Variants in R3HDM1 observed in about 807,000 individuals in gnomAD.
The protein encoded by R3HDM1 is R3H domain containing 1.
R3HDM1 carries 46 observed loss-of-function variants against 141.1 expected under a neutral mutation model. The ratio of observed to expected loss-of-function variants is 0.33; its 90% CI spans 0.26 to 0.42. The LOEUF (loss-of-function observed/expected upper bound fraction) is 0.42. Ranked by LOEUF, R3HDM1 falls within the 10% of genes least tolerant of loss-of-function variation. The pLI, the probability that R3HDM1 is intolerant of heterozygous loss-of-function variation, is 1.00. For missense variants in R3HDM1, 1,184 were observed against 1,368.3 expected, an observed-to-expected ratio of 0.87 and a Z score of 2.12; for synonymous variants, 435 against 472.9, an observed-to-expected ratio of 0.92 and a Z score of 1.04.
intron 19 of R3HDM1, among the ~76,000 whole-genome samples, chr2:135,663,003 T>A (rs1298849756): frequency 1.3e-5 from 2 of 152,128 alleles, no homozygotes; most frequent in African/African-American, 4.8e-5. Flanking sequence ...CTTTGTTCTG[T>A]GTTTGTGTTA....
chr2:135,561,202 T>C, intron 1 of R3HDM1: 1 of 592,726 alleles, frequency 1.7e-6, no homozygotes, highest in Non-Finnish European at 2.1e-6. Flanking sequence ...CACTGTACAT[T>C]CTGTGAGATG....
chr2:135,716,367 T>C (rs2076152734), intron 24 of R3HDM1, among the ~76,000 whole-genome samples: 1 of 152,214 alleles, frequency 6.6e-6, no homozygotes, highest in South Asian at 2.1e-4. Context: ...AGGAAATGGC[T>C]ATGCCCTTGG....
In R3HDM1 at chr2:135,602,548, C is replaced by A; in HGVS notation, c.-201C>A. ...TGATCCAAGACAGTCCATTCCAGTC[C>A]GGGAATCTACAGTGGTGACAAGGAC... On this transcript the variant is annotated 5_prime_UTR_variant, in exon 2 of 27. Transcript: ENST00000683871. The A allele has an allele frequency of 6.8e-7, 1 of 1,470,212 alleles. No individual in the cohort carries two copies. The highest frequency in any genetic ancestry group is 9.0e-7 in the Non-Finnish European group (1 of 1,111,924). 91.1% of individuals were successfully genotyped at this position (1,470,212 alleles called of 1,614,324 possible).
chr2:135,616,896 A>G (rs1303983844), intron 5 of R3HDM1, 139 bp downstream of exon 5: 4 of 710,266 alleles, frequency 5.6e-6, no homozygotes, highest in Middle Eastern at 3.1e-4. Context: ...CCCAAGAGAT[A>G]TATGAAAAGT....
chr2:135,553,641 G>C (rs945642111), intron 1 of R3HDM1, among the ~76,000 whole-genome samples: 1 of 152,154 alleles, frequency 6.6e-6, no homozygotes, highest in Non-Finnish European at 1.5e-5. Flanking sequence ...GAAAGTGGCC[G>C]ATGTTAATAT....
At chr2:135,558,549 C>CA (rs1701199310) in intron 1 of R3HDM1, among the ~76,000 whole-genome samples, 1 of 152,146 alleles carries the variant, frequency 6.6e-6, no homozygotes, top group Non-Finnish European at 1.5e-5. Context: ...CTGGCACTCA[C>CA]CTAGCATTTA....
chr2:135,679,643 T>C (rs1373129747), intron 20 of R3HDM1, among the ~76,000 whole-genome samples: 2 of 152,258 alleles, frequency 1.3e-5, no homozygotes, highest in Admixed American at 6.5e-5. Context: ...CTTTTCATAA[T>C]TTAATGCATC....
intron 4 of R3HDM1, 98 bp from the exon 5 acceptor site, chr2:135,616,570 C>A: frequency 2.0e-6 from 2 of 996,612 alleles, no homozygotes; most frequent in Non-Finnish European, 1.5e-6. Flanking sequence ...TTATACATGG[C>A]AGAAACTATA....
chr2:135,671,724 G>A (rs574127025), intron 19 of R3HDM1, among the ~76,000 whole-genome samples: 3 of 151,708 alleles, frequency 2.0e-5, no homozygotes, highest in Non-Finnish European at 4.4e-5. Context: ...GCCTATAATC[G>A]CAGCACTTTA....
chr2:135,663,064 G>C (rs556706371), intron 19 of R3HDM1, among the ~76,000 whole-genome samples: 7 of 148,592 alleles, frequency 4.7e-5, no homozygotes, highest in African/African-American at 1.5e-4. Context: ...CCTGTCCATG[G>C]TCAAACTGCC....
At chr2:135,604,782 CTG>C (rs1384322899) in intron 2 of R3HDM1, 22 bp from the exon 3 acceptor site, 1 of 1,542,302 alleles carries the variant, frequency 6.5e-7, no homozygotes, top group Non-Finnish European at 8.9e-7. Context: ...AAGTTTCAAA[CTG>C]TATTAATTTT....
rs539489188 is a variant in R3HDM1, at chr2:135,614,772, G to C, written c.172-1380G>C. Among the ~76,000 whole-genome samples the C allele has an allele frequency of 5.3e-5, 8 of 152,010 alleles. No individual in the cohort carries two copies. The South Asian group carries it at 1.7e-3, about 32-fold the overall frequency. On this transcript the variant is annotated intron_variant, in intron 3 of 26. Coordinates refer to ENST00000683871, the MANE Select transcript of R3HDM1 (RefSeq NM_001378107.1). ...CTTCTGCTTCTTCAGAACTCATTTA[G>C]GTATGTGCATTTTCATAGTATTCAC...
intron 1 of R3HDM1, among the ~76,000 whole-genome samples, chr2:135,594,646 T>A (rs1710154332): frequency 6.6e-6 from 1 of 152,232 alleles, no homozygotes; most frequent in Non-Finnish European, 1.5e-5. Context: ...TTATTAGGTA[T>A]GAATTCCCTC....
chr2:135,702,612 T>C (rs1427928723), intron 21 of R3HDM1, among the ~76,000 whole-genome samples: 1 of 145,226 alleles, frequency 6.9e-6, no homozygotes, highest in Non-Finnish European at 1.5e-5. Flanking sequence ...GTCATGACAC[T>C]GCACTCCAGC....
intron 19 of R3HDM1, among the ~76,000 whole-genome samples, chr2:135,672,615 A>T (rs2068564234): frequency 6.6e-6 from 1 of 152,168 alleles, no homozygotes. Flanking sequence ...ATCTTTATCT[A>T]ACCCAGATGG....
At chr2:135,588,220 A>T (rs572712481) in intron 1 of R3HDM1, among the ~76,000 whole-genome samples, 1 of 149,910 alleles carries the variant, frequency 6.7e-6, no homozygotes, top group Admixed American at 6.7e-5. Flanking sequence ...TCTGTCCATC[A>T]TTCCCTCTTC....
At chr2:135,558,898 T>C (rs1459627801) in intron 1 of R3HDM1, 1 of 588,792 alleles carries the variant, frequency 1.7e-6, no homozygotes, top group Non-Finnish European at 2.1e-6. Context: ...CATCTTCCTT[T>C]TAGGATTCCT....
intron 20 of R3HDM1, 72 bp from the exon 21 acceptor site, chr2:135,680,101 G>A: frequency 7.0e-7 from 1 of 1,434,126 alleles, no homozygotes; most frequent in Non-Finnish European, 9.6e-7. Context: ...AGTTTATGGA[G>A]GTTGAAAACA....
intron 1 of R3HDM1, among the ~76,000 whole-genome samples, chr2:135,568,303 C>T (rs1158697017): frequency 6.6e-6 from 1 of 152,066 alleles, no homozygotes; most frequent in Non-Finnish European, 1.5e-5. Flanking sequence ...CCACCTTGGC[C>T]TCCCAAAGTG....
Sources: allele counts gnomAD v4.1 joint callset (sites outside exome capture counted in the v4.1 genomes callset), GRCh38; gene constraint gnomAD v4.1.1; transcripts MANE v1.5; gene names NCBI Gene and HGNC (gene_info 2026-07-23, HGNC 2026-07-21).